The following C8orf34 variants were observed in gnomAD, a reference collection of about 807,000 sequenced individuals.
C8orf34 encodes chromosome 8 open reading frame 34, also known as uncharacterized protein C8orf34.
A neutral mutation model predicts 68.3 loss-of-function variants in C8orf34; 65 were observed. The observed-to-expected ratio is 0.95, with a 90% CI of 0.78 to 1.17. The LOEUF is 1.17. C8orf34 is among the 50% of genes most tolerant of loss of function. The pLI is 0.00. For missense variants in C8orf34, 664 were observed against 655.4 expected (o/e 1.01, Z -0.14); for synonymous variants, 244 against 241.2 (o/e 1.01, Z -0.11).
At chr8:68,679,093 G>A (rs1234756319) in intron 8 of C8orf34, among the ~76,000 whole-genome samples, 2 of 151,858 alleles carry the variant, frequency 1.3e-5, no homozygotes, top group Non-Finnish European at 2.9e-5. Context: ...AAGGTCAGGA[G>A]ATCGAAACAC....
chr8:68,818,307 A>G lies in C8orf34; in HGVS notation c.*61A>G. ...AATGCAGTTATTCAAATCCTTATGT[A>G]TAGTTCTAATTTTATTTACTATGTG... On this transcript the variant is annotated 3_prime_UTR_variant, in exon 14 of 14. Transcript: ENST00000518698. 1 of 1,530,654 alleles carries G rather than the reference A, an allele frequency of 6.5e-7. No homozygotes were observed. Among genetic ancestry groups the G allele is most frequent in the African/African-American group, 1.4e-5 (1 of 73,002 alleles). The allele number at this position is 1,530,654 out of a possible 1,614,324, so 94.8% of individuals were successfully genotyped here. A position where few individuals can be genotyped will look rare whatever the true frequency, so the allele number is the denominator to read the frequency against.
chr8:68,529,081 G>A (rs1052738190), intron 6 of C8orf34, among the ~76,000 whole-genome samples: 8 of 152,116 alleles, frequency 5.3e-5, no homozygotes, highest in African/African-American at 1.7e-4. Context: ...ATGAAAGTAC[G>A]ATGGAACTTC....
chr8:68,354,983 G>GAA lies in C8orf34; in HGVS notation c.327+23653_327+23654dup, dbSNP rs111473535. 6.1e-4 allele frequency among the ~76,000 whole-genome samples: 89 copies of GAA among 145,322 alleles called. 1 individual carries two copies. Among genetic ancestry groups the GAA allele is most frequent in the African/African-American group, 2.0e-3 (81 of 39,736 alleles). ...CTTGTGTATGCTTTCATCTTATTTGGAAAAAAAAAACATTGAAAATAGAAC... is the reference window on the plus strand; with the variant it reads ...CTTGTGTATGCTTTCATCTTATTTGGAAAAAAAAAAAACATTGAAAATAGAAC... On this transcript the variant is annotated intron_variant, in intron 1 of 13. Coordinates refer to ENST00000518698, the MANE Select transcript of C8orf34 (RefSeq NM_052958.4).
intron 10 of C8orf34, among the ~76,000 whole-genome samples, chr8:68,764,624 G>A (rs553763491): frequency 2.0e-4 from 30 of 152,278 alleles, no homozygotes; most frequent in African/African-American, 7.0e-4. Context: ...AATGTGGAAA[G>A]GAATGTCTGG....
intron 8 of C8orf34, among the ~76,000 whole-genome samples, chr8:68,683,049 C>A (rs2130882438): frequency 6.6e-6 from 1 of 151,834 alleles, no homozygotes; most frequent in Non-Finnish European, 1.5e-5. Context: ...GATTTTGGAC[C>A]CAAGTAAGCT....
intron 10 of C8orf34, among the ~76,000 whole-genome samples, chr8:68,767,086 C>T (rs554883265): frequency 7.2e-5 from 11 of 152,166 alleles, no homozygotes; most frequent in East Asian, 3.9e-4. Flanking sequence ...CCCAGCTACT[C>T]GGGAGGCTAA....
intron 8 of C8orf34, among the ~76,000 whole-genome samples, chr8:68,701,539 C>G (rs1766989139): frequency 6.6e-6 from 1 of 151,866 alleles, no homozygotes; most frequent in African/African-American, 2.4e-5. Flanking sequence ...TCTTTCACCC[C>G]CGAAGTCTAA....
chr8:68,401,115 GTTT>G (rs57444673), intron 1 of C8orf34, among the ~76,000 whole-genome samples: 4 of 139,032 alleles, frequency 2.9e-5, no homozygotes, highest in African/African-American at 8.0e-5. Context: ...CATATTCCTA[GTTT>G]TTTTTTTTTT....
At chr8:68,634,986 T>A (rs907713031) in intron 7 of C8orf34, among the ~76,000 whole-genome samples, 2 of 152,110 alleles carry the variant, frequency 1.3e-5, no homozygotes, top group Non-Finnish European at 2.9e-5. Context: ...GGCTTCTGAC[T>A]CTAGGGTTCT....
In C8orf34 at chr8:68,501,273, C is replaced by G. The variant is rs537765609; in HGVS notation, c.765+13222C>G. On this transcript the variant is annotated intron_variant, in intron 5 of 13. Transcript: ENST00000518698. ...TGGACACAGCCAACAACCATCTCACCATTTCTGAAGACCTAAGTAGTGTCC... is the reference window on the plus strand; with the variant it reads ...TGGACACAGCCAACAACCATCTCACGATTTCTGAAGACCTAAGTAGTGTCC... 3.3e-5 allele frequency among the ~76,000 whole-genome samples: 5 copies of G among 152,304 alleles called. No individual in the cohort carries two copies. The South Asian group carries it at 1.0e-3, about 32-fold the overall frequency.
intron 7 of C8orf34, among the ~76,000 whole-genome samples, chr8:68,541,687 C>A (rs1031667185): frequency 1.3e-5 from 2 of 152,120 alleles, no homozygotes; most frequent in African/African-American, 4.8e-5. Flanking sequence ...TCAACAAGTA[C>A]CATCTTCTTG....
intron 10 of C8orf34, among the ~76,000 whole-genome samples, chr8:68,724,182 T>TA (rs904378764): frequency 6.6e-6 from 1 of 151,988 alleles, no homozygotes. Context: ...ATAGAGTTTC[T>TA]AAAAAAAACT....
At chr8:68,771,431 T>C (rs186354678) in intron 10 of C8orf34, among the ~76,000 whole-genome samples, 11 of 152,306 alleles carry the variant, frequency 7.2e-5, no homozygotes, top group Non-Finnish European at 1.5e-5. Context: ...AATTATAGTA[T>C]GAAATTAGGA....
chr8:68,486,264 A>C lies in C8orf34; in HGVS notation c.737-1759A>C, dbSNP rs73264478. On this transcript the variant is annotated intron_variant, in intron 4 of 13. Transcript: ENST00000518698. ...TTCCCCTTGACTGTGGTGCTGTCATATCTGAGTTCTCCATCACGGTTCACT... is the reference window on the plus strand; with the variant it reads ...TTCCCCTTGACTGTGGTGCTGTCATCTCTGAGTTCTCCATCACGGTTCACT... Among the ~76,000 whole-genome samples the C allele has an allele frequency of 8.4e-3, 1,280 of 152,254 alleles. 18 individuals carry two copies. Among genetic ancestry groups the C allele is most frequent in the African/African-American group, 0.027 (1,123 of 41,546 alleles).
chr8:68,675,954 C>T (rs1359681946), intron 8 of C8orf34, among the ~76,000 whole-genome samples: 2 of 152,010 alleles, frequency 1.3e-5, no homozygotes, highest in African/African-American at 2.4e-5. Context: ...TAGACAAAAT[C>T]GATCTCAGGA....
intron 7 of C8orf34, among the ~76,000 whole-genome samples, chr8:68,634,721 C>T (rs1186871819): frequency 6.6e-6 from 1 of 152,090 alleles, no homozygotes; most frequent in Non-Finnish European, 1.5e-5. Flanking sequence ...ATGGTTCTGT[C>T]ACCTTTTAGA....
chr8:68,795,324 CT>C (rs59226472), intron 12 of C8orf34, among the ~76,000 whole-genome samples: 2,960 of 127,284 alleles, frequency 0.023, 41 homozygotes, highest in African/African-American at 0.047. Context: ...TTATTGACTG[CT>C]TTTTTTTTTT....
At chr8:68,665,091 A>G (rs974335) in intron 8 of C8orf34, among the ~76,000 whole-genome samples, 19,650 of 152,238 alleles carry the variant, frequency 0.13, 1,475 homozygotes, top group Middle Eastern at 0.23. Context: ...ATCTGGGTTC[A>G]ATTTATTGAT....
chr8:68,734,754 T>A (rs1305240057), intron 10 of C8orf34, among the ~76,000 whole-genome samples: 2 of 152,184 alleles, frequency 1.3e-5, no homozygotes, highest in African/African-American at 4.8e-5. Flanking sequence ...TTAACATCTC[T>A]GCTGCACTCT....
Sources: allele counts gnomAD v4.1 joint callset (sites outside exome capture counted in the v4.1 genomes callset), GRCh38; gene constraint gnomAD v4.1.1; transcripts MANE v1.5; gene names NCBI Gene and HGNC (gene_info 2026-07-23, HGNC 2026-07-21).